The following KIR2DL1 variants were observed in gnomAD, a reference collection of about 807,000 sequenced individuals.
The protein encoded by KIR2DL1 is killer cell immunoglobulin-like receptor 2DL1.
KIR2DL1 carries 38 observed loss-of-function variants against 33.9 expected under a neutral mutation model. The ratio of observed to expected loss-of-function variants is 1.12; its 90% CI spans 0.86 to 1.47. The LOEUF is 1.47. Ranked by LOEUF, KIR2DL1 falls within the 40% of genes most tolerant of loss-of-function variation. The pLI is 0.00. For synonymous variants in KIR2DL1, 179 were observed against 165.9 expected, an observed-to-expected ratio of 1.08 and a Z score of -0.61; for missense variants, 531 against 433.9, an observed-to-expected ratio of 1.22 and a Z score of -1.99.
Position 54,775,185 on chromosome 19 carries a change from C to T in KIR2DL1, c.391C>T (p.Leu131Phe). 6.3e-7 allele frequency: 1 copy of T among 1,587,806 alleles called. No individual in the cohort carries two copies. Among genetic ancestry groups the T allele is most frequent in the Admixed American group, 1.7e-5 (1 of 57,702 alleles). Residue 131 changes from leucine (L) to phenylalanine (F), a missense_variant, in exon 4 of 8, where the codon CTC becomes TTC. Coordinates refer to ENST00000336077, the MANE Select transcript of KIR2DL1 (RefSeq NM_014218.3). ...TCCAGGTCTATATGAGAAACCTTCT[C>T]TCTCAGCCCAGCTGGGCCCCACGGT... ...VIIGLYEKPS[L>F]SAQLGPTVLA...
Position 54,782,942 on chromosome 19 carries a change from A to T in KIR2DL1, c.736A>T (p.Ile246Phe), listed in dbSNP as rs748674621. Residue 246 changes from isoleucine (I) to phenylalanine (F), a missense_variant, in exon 6 of 8, where the codon ATT becomes TTT. Ile to Phe is a conservative substitution (Grantham distance 21, BLOSUM62 0). Coordinates refer to ENST00000336077, the MANE Select transcript of KIR2DL1 (RefSeq NM_014218.3). ...SKTGNPRHLH[I>F]LIGTSVVIIL... ...TCCAGGTAACCCCCGACACCTGCAC[A>T]TTCTGATTGGGACCTCAGTGGTCAT... is the stretch of plus-strand genomic sequence containing the variant. The T allele has an allele frequency of 6.8e-6, 11 of 1,612,018 alleles. No individual in the cohort carries two copies. The highest frequency in any genetic ancestry group is 1.3e-5 in the African/African-American group (1 of 74,634).
intron 4 of KIR2DL1, among the ~76,000 whole-genome samples, chr19:54,777,894 TC>T (rs2076530286): frequency 6.7e-6 from 1 of 148,236 alleles, no homozygotes; most frequent in African/African-American, 2.5e-5. Flanking sequence ...CATGTAGATG[TC>T]CAGGTTTCCC....
At chr19:54,779,405 G>T (rs796472301) in intron 5 of KIR2DL1, among the ~76,000 whole-genome samples, 1 of 129,696 alleles carries the variant, frequency 7.7e-6, no homozygotes. Flanking sequence ...CCAGTTCCTT[G>T]GCTCCTGGTC....
intron 6 of KIR2DL1, 22 bp from the exon 7 acceptor site, chr19:54,783,464 T>G: frequency 1.9e-6 from 3 of 1,612,124 alleles, no homozygotes; most frequent in South Asian, 2.2e-5. Context: ...CGAGCTGTTT[T>G]GTTGACTTCC....
chr19:54,782,814 T>C, intron 5 of KIR2DL1, 108 bp from the exon 6 acceptor site: 2 of 1,218,500 alleles, frequency 1.6e-6, no homozygotes, highest in East Asian at 4.7e-5. Context: ...TGGGTGCTTG[T>C]CCTAAAGAGG....
rs369686053 is a variant in KIR2DL1, at chr19:54,774,113, T to C, written c.370+481T>C. Reference sequence around the variant, plus strand: ...CTGCCTTCCATGTAATGGAGAGTAATCGTCCCAGGATATCATGGCCCCACA... The same window carrying C: ...CTGCCTTCCATGTAATGGAGAGTAACCGTCCCAGGATATCATGGCCCCACA... On this transcript the variant is annotated intron_variant, in intron 3 of 7. Coordinates refer to ENST00000336077, the MANE Select transcript of KIR2DL1 (RefSeq NM_014218.3). 3.0e-4 allele frequency among the ~76,000 whole-genome samples: 44 copies of C among 148,004 alleles called. 1 individual carries two copies. Among genetic ancestry groups the C allele is most frequent in the East Asian group, 2.9e-3 (15 of 5,140 alleles).
At chr19:54,775,034 A>G (rs2076157584) in intron 3 of KIR2DL1, 131 bp from the exon 4 acceptor site, 1 of 1,265,120 alleles carries the variant, frequency 7.9e-7, no homozygotes, top group Non-Finnish European at 1.1e-6. Context: ...ATGAAGAGCG[A>G]TGGGGTAGAG....
intron 6 of KIR2DL1, 95 bp from the exon 7 acceptor site, chr19:54,783,391 C>T: frequency 2.8e-6 from 4 of 1,421,324 alleles, no homozygotes; most frequent in Non-Finnish European, 3.9e-6. Flanking sequence ...GGACCTCAGC[C>T]ACCTATGGTC....
At position 54,773,593 on chromosome 19, in the gene KIR2DL1, G is replaced by T. The variant is rs687885; in HGVS notation, c.331G>T (p.Val111Leu). Residue 111 changes from valine to leucine, a missense_variant, in exon 3 of 8, where the codon GTG becomes TTG. Val to Leu is a conservative substitution (Grantham distance 32). Coordinates refer to ENST00000336077, the MANE Select transcript of KIR2DL1 (RefSeq NM_014218.3). ...TTCTGTTACTCACTCCCCCTATCAG[G>T]TGTCAGCTCCCAGTGACCCTCTGGA... Reference protein sequence around the residue: ...YGSVTHSPYQVSAPSDPLDIV... With the variant: ...YGSVTHSPYQLSAPSDPLDIV... The T allele has an allele frequency of 0.23, 333,299 of 1,464,614 alleles. 9,939 individuals carry two copies. The highest frequency in any genetic ancestry group is 0.34 in the South Asian group (27,533 of 81,054). 90.7% of individuals were successfully genotyped at this position (1,464,614 alleles called of 1,614,324 possible). A position where few individuals can be genotyped will look rare whatever the true frequency, so the allele number is the denominator to read the frequency against.
chr19:54,781,701 T>C (rs1338838864), intron 5 of KIR2DL1, among the ~76,000 whole-genome samples: 1 of 152,046 alleles, frequency 6.6e-6, no homozygotes, highest in Non-Finnish European at 1.5e-5. Context: ...TCTCCCGAGA[T>C]CACAAAGAGC....
chr19:54,774,247 A>C (rs1162082410), intron 3 of KIR2DL1, among the ~76,000 whole-genome samples: 1 of 148,580 alleles, frequency 6.7e-6, no homozygotes, highest in East Asian at 1.9e-4. Context: ...CACAGAGAGA[A>C]ATCAGGGACA....
At chr19:54,782,590 C>G (rs1407735010) in intron 5 of KIR2DL1, among the ~76,000 whole-genome samples, 3 of 152,042 alleles carry the variant, frequency 2.0e-5, no homozygotes, top group African/African-American at 7.2e-5. Context: ...AACCCCGTCT[C>G]CTTGGGACAG....
intron 3 of KIR2DL1, 133 bp from the exon 4 acceptor site, chr19:54,775,032 C>A (rs377749177): frequency 0.057 from 52,347 of 917,274 alleles, 10 homozygotes; most frequent in South Asian, 0.16. Flanking sequence ...ACATGAAGAG[C>A]GATGGGGTAG....
chr19:54,771,796 C>G lies in KIR2DL1; in HGVS notation c.70+912C>G, dbSNP rs1344715790. On this transcript the variant is annotated intron_variant, in intron 2 of 7. Coordinates refer to ENST00000336077, the MANE Select transcript of KIR2DL1 (RefSeq NM_014218.3). ...ACAGCCTTTTCATGGGCCCTGTGAC[C>G]CCAGCACACGCAGGGACCTATACAT... is the stretch of plus-strand genomic sequence containing the variant. 1.4e-5 allele frequency among the ~76,000 whole-genome samples: 2 copies of G among 147,954 alleles called. 1 individual carries two copies. Among genetic ancestry groups the G allele is most frequent in the Non-Finnish European group, 3.0e-5 (2 of 66,086 alleles).
In KIR2DL1 at chr19:54,783,698, C is replaced by T. The variant is rs773140522; in HGVS notation, c.932C>T (p.Thr311Ile). The T allele has an allele frequency of 3.1e-6, 5 of 1,614,044 alleles. No individual in the cohort carries two copies. Among genetic ancestry groups the T allele is most frequent in the Non-Finnish European group, 4.2e-6 (5 of 1,179,974 alleles). ...ACACAGTTGAATCACTGCGTTTTCA[C>T]ACAGAGAAAAATCACTCGCCCTTCT... Reference protein sequence around the residue: ...TYTQLNHCVFTQRKITRPSQR... With the variant: ...TYTQLNHCVFIQRKITRPSQR... The change falls in exon 8 of 8, where the codon ACA becomes ATA. Residue 311 changes from threonine to isoleucine, a missense_variant. Transcript: ENST00000336077.
At chr19:54,775,942 A>G (rs1483273956) in intron 4 of KIR2DL1, among the ~76,000 whole-genome samples, 2 of 146,180 alleles carry the variant, frequency 1.4e-5, no homozygotes, top group South Asian at 2.1e-4. Context: ...CCTATGATGG[A>G]GTGCAGTGGC....
At chr19:54,769,958 T>G in intron 1 of KIR2DL1, 74 bp downstream of exon 1, 3 of 1,519,698 alleles carry the variant, frequency 2.0e-6, no homozygotes, top group Non-Finnish European at 9.0e-7. Context: ...GATATAGGCC[T>G]GGAGGTGGAG....
intron 2 of KIR2DL1, among the ~76,000 whole-genome samples, chr19:54,771,625 G>A (rs1241927574): frequency 6.8e-6 from 1 of 147,848 alleles, no homozygotes; most frequent in African/African-American, 2.5e-5. Flanking sequence ...GTCAGGACAA[G>A]CCCTTGCTGT....
intron 5 of KIR2DL1, among the ~76,000 whole-genome samples, chr19:54,782,518 T>A (rs1400445521): frequency 5.9e-5 from 9 of 152,016 alleles, no homozygotes; most frequent in Admixed American, 5.2e-4. Context: ...GGGGGAGTGA[T>A]GGAGCTTCCA....
Sources: allele counts gnomAD v4.1 joint callset (sites outside exome capture counted in the v4.1 genomes callset), GRCh38; gene constraint gnomAD v4.1.1; transcripts MANE v1.5; gene names NCBI Gene and HGNC (gene_info 2026-07-23, HGNC 2026-07-21).